Variants in SPSB1 observed in about 807,000 individuals in gnomAD.
The protein encoded by SPSB1 is SPRY domain-containing SOCS box protein 1.
SPSB1 carries 8 observed loss-of-function variants against 21.2 expected under a neutral mutation model. That is an observed-to-expected ratio of 0.38 (90% CI 0.22 to 0.68). SPSB1 has a LOEUF of 0.68. Among genes scored for constraint, SPSB1 ranks in the 30% least tolerant of loss-of-function variants. The probability of loss-of-function intolerance (pLI) is 0.53; values close to 1 mark genes in which losing one functional copy is unlikely to be tolerated. For missense variants in SPSB1, 242 were observed against 377.8 expected, an observed-to-expected ratio of 0.64 and a Z score of 2.98; for synonymous variants, 169 against 161.7, an observed-to-expected ratio of 1.05 and a Z score of -0.34.
At position 9,356,693 on chromosome 1, in the gene SPSB1, G is replaced by A. The variant is rs1242045525; in HGVS notation, c.694+108G>A. On this transcript the variant is annotated intron_variant, in intron 2 of 2. Transcript: ENST00000328089. This position sits in a 1 kb window ranked among gnomAD's most constrained non-coding sequence, Gnocchi z 7.4. ...ATTGGAACTAGAGTGTTTTGAAGAC[G>A]ATATTCCAGTGTATTCAGACCCTCA... 2.0e-6 allele frequency: 3 copies of A among 1,463,708 alleles called. No individual in the cohort carries two copies. The highest frequency in any genetic ancestry group is 2.6e-5 in the Admixed American group (1 of 38,312). The allele number at this position is 1,463,708 out of a possible 1,614,324, so 90.7% of individuals were successfully genotyped here. A position where few individuals can be genotyped will look rare whatever the true frequency, so the allele number is the denominator to read the frequency against.
In SPSB1 at chr1:9,313,808, G is replaced by A. The variant is rs541676586; in HGVS notation, c.-150+20737G>A. Among the ~76,000 whole-genome samples the A allele has an allele frequency of 1.8e-3, 269 of 152,374 alleles. 2 individuals carry two copies. The highest frequency in any genetic ancestry group is 5.3e-4 in the Non-Finnish European group (36 of 68,042). On this transcript the variant is annotated intron_variant, in intron 1 of 2. Coordinates refer to ENST00000328089, the MANE Select transcript of SPSB1 (RefSeq NM_025106.4). ...TCAGCAGGTGCTCAGTGAAGGCTGAGTGAATGGAGGAGTGTTATCGGAGAG... is the reference window on the plus strand; with the variant it reads ...TCAGCAGGTGCTCAGTGAAGGCTGAATGAATGGAGGAGTGTTATCGGAGAG...
At chr1:9,323,203 G>A (rs970478579) in intron 1 of SPSB1, among the ~76,000 whole-genome samples, 1 of 152,212 alleles carries the variant, frequency 6.6e-6, no homozygotes, top group South Asian at 2.1e-4. Flanking sequence ...CAGCCTTTTC[G>A]CTCTCACGAA....
At chr1:9,362,722 G>T (rs1357567749) in intron 2 of SPSB1, among the ~76,000 whole-genome samples, 1 of 152,230 alleles carries the variant, frequency 6.6e-6, no homozygotes, top group African/African-American at 2.4e-5. Flanking sequence ...GGGCTCTGGG[G>T]CTGTGCATGT....
chr1:9,299,960 T>A (rs531281308), intron 1 of SPSB1, among the ~76,000 whole-genome samples: 1 of 115,680 alleles, frequency 8.6e-6, no homozygotes. Context: ...TAAGACCCTG[T>A]CTCAAAAAAA....
chr1:9,335,519 C>T (rs1403931309), intron 1 of SPSB1, among the ~76,000 whole-genome samples: 2 of 138,984 alleles, frequency 1.4e-5, no homozygotes, highest in African/African-American at 5.4e-5. Context: ...AAAAAAAGAT[C>T]GTTGTGGGGT....
chr1:9,340,030 G>C (rs1640064872), intron 1 of SPSB1, among the ~76,000 whole-genome samples: 1 of 152,192 alleles, frequency 6.6e-6, no homozygotes, highest in African/African-American at 2.4e-5. Context: ...AGGTCACCCA[G>C]AGGTCTGGGG....
intron 1 of SPSB1, among the ~76,000 whole-genome samples, chr1:9,336,795 A>G (rs1640011947): frequency 6.6e-6 from 1 of 152,190 alleles, no homozygotes; most frequent in African/African-American, 2.4e-5. Flanking sequence ...ATGAAACTGC[A>G]CTGCTCCCTG....
intron 1 of SPSB1, among the ~76,000 whole-genome samples, chr1:9,339,994 G>C (rs1259737303): frequency 2.3e-5 from 3 of 129,168 alleles, no homozygotes; most frequent in African/African-American, 7.9e-5. Context: ...GACCCCCACC[G>C]ACAGCCCTGA....
At chr1:9,306,403 G>A (rs1021865759) in intron 1 of SPSB1, among the ~76,000 whole-genome samples, 1 of 152,210 alleles carries the variant, frequency 6.6e-6, no homozygotes, top group Non-Finnish European at 1.5e-5. Context: ...TGGAGTGGAG[G>A]GGGCTGTGGG....
rs907307546 is a variant in SPSB1, at chr1:9,317,195, T to G, written c.-150+24124T>G. On this transcript the variant is annotated intron_variant, in intron 1 of 2. Coordinates refer to ENST00000328089, the MANE Select transcript of SPSB1 (RefSeq NM_025106.4). This position sits in a 1 kb window ranked among gnomAD's most constrained non-coding sequence, Gnocchi z 4.3. ...GGGATCAGGGTTTACTCTCAGCAGG[T>G]GAATCTGGGAAGGCTTCCTGGAGGA... Among the ~76,000 whole-genome samples the G allele has an allele frequency of 6.6e-6, 1 of 152,014 alleles. No individual in the cohort carries two copies. Among genetic ancestry groups the G allele is most frequent in the African/African-American group, 2.4e-5 (1 of 41,374 alleles).
At chr1:9,329,252 G>A (rs1639874672) in intron 1 of SPSB1, among the ~76,000 whole-genome samples, 1 of 152,166 alleles carries the variant, frequency 6.6e-6, no homozygotes, top group Admixed American at 6.5e-5. Flanking sequence ...GGGAAATGCA[G>A]CTGGAGAGGG....
intron 1 of SPSB1, among the ~76,000 whole-genome samples, chr1:9,325,153 C>T (rs1007418128): frequency 6.6e-6 from 1 of 152,110 alleles, no homozygotes; most frequent in African/African-American, 2.4e-5. Context: ...TGGGCTTCCC[C>T]CAGCCGGGGC....
At chr1:9,331,771 C>T (rs1212176579) in intron 1 of SPSB1, among the ~76,000 whole-genome samples, 1 of 152,172 alleles carries the variant, frequency 6.6e-6, no homozygotes, top group Admixed American at 6.5e-5. Context: ...ACAGGAGGCA[C>T]CATCTCTGTA....
At chr1:9,311,431 T>G (rs765972242) in intron 1 of SPSB1, among the ~76,000 whole-genome samples, 1 of 152,158 alleles carries the variant, frequency 6.6e-6, no homozygotes, top group Non-Finnish European at 1.5e-5. Context: ...GTAGAGAGAC[T>G]GGTGTCCTGA....
chr1:9,313,486 G>A (rs1422581856), intron 1 of SPSB1, among the ~76,000 whole-genome samples: 3 of 152,242 alleles, frequency 2.0e-5, no homozygotes, highest in Non-Finnish European at 4.4e-5. Flanking sequence ...CGCAGACCCA[G>A]GCAGTCTGTG....
At chr1:9,312,442 C>T (rs747645784) in intron 1 of SPSB1, among the ~76,000 whole-genome samples, 4 of 152,100 alleles carry the variant, frequency 2.6e-5, no homozygotes, top group Admixed American at 6.6e-5. Context: ...TATGCACACG[C>T]CACGCAGTTC....
intron 1 of SPSB1, among the ~76,000 whole-genome samples, chr1:9,307,866 G>T (rs917672535): frequency 1.3e-5 from 2 of 152,260 alleles, no homozygotes; most frequent in South Asian, 4.2e-4. Context: ...GGTCTTCGGG[G>T]TGCGCGTGGC....
At chr1:9,296,949 G>A (rs1409921705) in intron 1 of SPSB1, among the ~76,000 whole-genome samples, 1 of 152,148 alleles carries the variant, frequency 6.6e-6, no homozygotes. Flanking sequence ...AAATAAATGA[G>A]TCCAGTGGTC....
At chr1:9,331,002 TTCC>T (rs1299821551) in intron 1 of SPSB1, among the ~76,000 whole-genome samples, 1 of 152,106 alleles carries the variant, frequency 6.6e-6, no homozygotes. Flanking sequence ...CCCAGAGTAG[TTCC>T]ATACCTCCCT....
Sources: allele counts gnomAD v4.1 joint callset (sites outside exome capture counted in the v4.1 genomes callset), GRCh38; gene constraint gnomAD v4.1.1; non-coding constraint Gnocchi (gnomAD v3.1); transcripts MANE v1.5; gene names NCBI Gene and HGNC (gene_info 2026-07-23, HGNC 2026-07-21).